The following TCF7L2 variants were observed in gnomAD, a reference collection of about 807,000 sequenced individuals.
TCF7L2 encodes transcription factor 7 like 2.
TCF7L2 carries 23 observed loss-of-function variants against 77.9 expected under a neutral mutation model. That is an observed-to-expected ratio of 0.30 (90% confidence interval 0.21 to 0.42). The LOEUF (loss-of-function observed/expected upper bound fraction) is 0.42. Among genes scored for constraint, TCF7L2 ranks in the 10% least tolerant of loss-of-function variants. The pLI is 1.00. For synonymous variants in TCF7L2, 413 were observed against 340.2 expected (o/e 1.21, Z -2.36); for missense variants, 654 against 793.1 (o/e 0.82, Z 2.11).
chr10:113,109,593 G>A (rs546365485), intron 5 of TCF7L2, among the ~76,000 whole-genome samples: 1 of 152,138 alleles, frequency 6.6e-6, no homozygotes, highest in Non-Finnish European at 1.5e-5. Context: ...GTTTCTCCAC[G>A]TTGGCTAGGC....
intron 5 of TCF7L2, among the ~76,000 whole-genome samples, chr10:113,051,306 G>A (rs567651958): frequency 5.9e-5 from 9 of 151,992 alleles, no homozygotes; most frequent in Admixed American, 3.9e-4. Flanking sequence ...AGGGTAAAAT[G>A]GGTGAGGCGG....
chr10:113,034,058 A>G (rs549342083), intron 4 of TCF7L2, among the ~76,000 whole-genome samples: 1 of 152,350 alleles, frequency 6.6e-6, no homozygotes, highest in Admixed American at 6.5e-5. Context: ...ATTTGTTTAT[A>G]GAAGATGGGC....
chr10:113,005,164 C>T (rs1303253353), intron 4 of TCF7L2, among the ~76,000 whole-genome samples: 1 of 152,214 alleles, frequency 6.6e-6, no homozygotes, highest in Non-Finnish European at 1.5e-5. Flanking sequence ...GAATGAGGTT[C>T]TTAGCGCTGA....
intron 13 of TCF7L2, among the ~76,000 whole-genome samples, chr10:113,163,595 G>A (rs1391581400): frequency 1.3e-5 from 2 of 152,072 alleles, no homozygotes; most frequent in African/African-American, 4.8e-5. Context: ...TTAAAACTCT[G>A]AGAGGCTTAA....
At chr10:112,985,782 C>T (rs1024632418) in intron 4 of TCF7L2, among the ~76,000 whole-genome samples, 2 of 151,984 alleles carry the variant, frequency 1.3e-5, no homozygotes, top group South Asian at 2.1e-4. Context: ...GCATTAATCC[C>T]TTTCCAAAAA....
At chr10:113,007,420 G>A (rs1042452435) in intron 4 of TCF7L2, among the ~76,000 whole-genome samples, 7 of 152,222 alleles carry the variant, frequency 4.6e-5, no homozygotes, top group African/African-American at 1.7e-4. Flanking sequence ...TCACAGGCTG[G>A]TAGGCTAAGA....
chr10:113,073,127 T>TGA (rs1325641054), intron 5 of TCF7L2, among the ~76,000 whole-genome samples: 23 of 116,926 alleles, frequency 2.0e-4, no homozygotes, highest in Non-Finnish European at 3.9e-4. Flanking sequence ...TGTGTGTGTG[T>TGA]GTGAGAGAGA....
chr10:113,152,578 C>T (rs141448787), intron 11 of TCF7L2, 138 bp downstream of exon 11: 211 of 658,462 alleles, frequency 3.2e-4, no homozygotes, highest in Non-Finnish European at 5.0e-4. Context: ...GGACTGGTAG[C>T]ATCTTCCTGG....
At chr10:113,150,777 A>C (rs2070586934) in intron 8 of TCF7L2, among the ~76,000 whole-genome samples, 1 of 152,222 alleles carries the variant, frequency 6.6e-6, no homozygotes, top group East Asian at 1.9e-4. Context: ...AAAAATCATA[A>C]TGTCTTATGT....
At chr10:113,126,795 G>A in intron 5 of TCF7L2, 1 of 985,162 alleles carries the variant, frequency 1.0e-6, no homozygotes, top group Non-Finnish European at 1.2e-6. Context: ...GCCCGCGGCC[G>A]GCGCGGGCCC....
chr10:112,970,081 G>A (rs2037899673), intron 4 of TCF7L2, among the ~76,000 whole-genome samples: 1 of 152,188 alleles, frequency 6.6e-6, no homozygotes, highest in African/African-American at 2.4e-5. Flanking sequence ...CAAGTCAGAT[G>A]TGATTTAGGA....
At chr10:113,072,213 G>C (rs113181626) in intron 5 of TCF7L2, among the ~76,000 whole-genome samples, 1,928 of 150,632 alleles carry the variant, frequency 0.013, 38 homozygotes, top group African/African-American at 0.044. Flanking sequence ...CCGCCACCAC[G>C]CCCGACTAAT....
chr10:113,082,129 C>A (rs2059369830), intron 5 of TCF7L2, among the ~76,000 whole-genome samples: 1 of 138,296 alleles, frequency 7.2e-6, no homozygotes. Flanking sequence ...TGAGCCACTA[C>A]CATTTTTTTT....
chr10:113,127,560 GTTGTTGTT>G (rs971299193), intron 5 of TCF7L2, among the ~76,000 whole-genome samples: 2 of 151,820 alleles, frequency 1.3e-5, no homozygotes, highest in African/African-American at 4.8e-5. Context: ...TTGTTTTGTT[GTTGTTGTT>G]TTGTTTTGTT....
At chr10:113,081,960 C>G (rs1388888672) in intron 5 of TCF7L2, among the ~76,000 whole-genome samples, 1 of 152,144 alleles carries the variant, frequency 6.6e-6, no homozygotes. Context: ...GCCTCAGCCT[C>G]CTGAGTATGT....
chr10:113,056,533 G>A (rs2055408777), intron 5 of TCF7L2, among the ~76,000 whole-genome samples: 1 of 152,132 alleles, frequency 6.6e-6, no homozygotes, highest in Non-Finnish European at 1.5e-5. Context: ...ATTGCATCAT[G>A]CAAGTCTGAT....
At chr10:113,113,019 A>G (rs1480320503) in intron 5 of TCF7L2, among the ~76,000 whole-genome samples, 4 of 152,156 alleles carry the variant, frequency 2.6e-5, no homozygotes, top group Non-Finnish European at 5.9e-5. Context: ...TCTTGGTTGT[A>G]GCAGAGAGTC....
chr10:113,092,526 A>G (rs537546973), intron 5 of TCF7L2, among the ~76,000 whole-genome samples: 1 of 152,266 alleles, frequency 6.6e-6, no homozygotes, highest in East Asian at 1.9e-4. Context: ...TAGCTCAGTT[A>G]TGTGTTCCAT....
chr10:113,165,401 G>A (rs144795852), intron 13 of TCF7L2, among the ~76,000 whole-genome samples, 154 bp from the exon 15 acceptor site: 3 of 152,160 alleles, frequency 2.0e-5, no homozygotes, highest in Middle Eastern at 3.4e-3. Context: ...ACCCACCCTG[G>A]GGGGGCGCCA....
Sources: allele counts gnomAD v4.1 joint callset (sites outside exome capture counted in the v4.1 genomes callset), GRCh38; gene constraint gnomAD v4.1.1; transcripts MANE v1.5; gene names NCBI Gene and HGNC (gene_info 2026-07-23, HGNC 2026-07-21).